The following SLC39A11 variants were observed in gnomAD, a reference collection of about 807,000 sequenced individuals.
SLC39A11 encodes the protein solute carrier family 39 member 11.
SLC39A11 carries 33 observed loss-of-function variants against 36.1 expected under a neutral mutation model. The observed-to-expected ratio is 0.91, with a 90% CI of 0.69 to 1.22. The LOEUF (loss-of-function observed/expected upper bound fraction) is 1.22. Among genes scored for constraint, SLC39A11 ranks in the 50% most tolerant of loss-of-function variants. The pLI is 0.00. For missense variants in SLC39A11, 432 were observed against 430.3 expected (o/e 1.00, Z -0.03); for synonymous variants, 166 against 170.3 (o/e 0.97, Z 0.20).
At chr17:73,012,748 T>G (rs1295639232) in intron 4 of SLC39A11, among the ~76,000 whole-genome samples, 1 of 152,064 alleles carries the variant, frequency 6.6e-6, no homozygotes, top group Non-Finnish European at 1.5e-5. Flanking sequence ...CTTATGACCA[T>G]GTGTACCCAA....
chr17:72,662,840 AAGAC>A (rs1377748484), intron 7 of SLC39A11, among the ~76,000 whole-genome samples: 2 of 152,184 alleles, frequency 1.3e-5, no homozygotes, highest in Admixed American at 6.5e-5. Flanking sequence ...GAGAGAAAGA[AAGAC>A]AGGCACACAC....
chr17:73,083,015 C>CAAAAAA (rs34607510), intron 3 of SLC39A11, among the ~76,000 whole-genome samples: 26 of 89,778 alleles, frequency 2.9e-4, no homozygotes, highest in African/African-American at 7.2e-4. Context: ...GACTCCATTT[C>CAAAAAA]AAAAAAAAAA....
At chr17:72,733,665 A>C (rs567807535) in intron 7 of SLC39A11, among the ~76,000 whole-genome samples, 2 of 152,254 alleles carry the variant, frequency 1.3e-5, no homozygotes, top group African/African-American at 4.8e-5. Flanking sequence ...GGCTCATCCA[A>C]CAGGGTTGCC....
At chr17:72,779,800 A>G (rs753853218) in intron 6 of SLC39A11, among the ~76,000 whole-genome samples, 4 of 152,234 alleles carry the variant, frequency 2.6e-5, no homozygotes, top group Non-Finnish European at 5.9e-5. Context: ...TGAATCCACA[A>G]CTGCCTTTAG....
At chr17:72,828,911 G>C (rs950936671) in intron 6 of SLC39A11, among the ~76,000 whole-genome samples, 1 of 152,198 alleles carries the variant, frequency 6.6e-6, no homozygotes, top group Non-Finnish European at 1.5e-5. Flanking sequence ...AGTGACTGGG[G>C]GTTGTGTGTG....
rs1019673340 is a variant in SLC39A11 at position 73,034,995 on chromosome 17, C to T, written c.148-3281G>A. ...CTTTCCAGTCAAATTTAGGATCCAG[C>T]TGGATTTCCTTCATTTCTTTTCCTT... On this transcript the variant is annotated intron_variant, in intron 3 of 9. Transcript: ENST00000255559. 7.0e-4 allele frequency among the ~76,000 whole-genome samples: 106 copies of T among 152,184 alleles called. 1 individual carries two copies. Among genetic ancestry groups the T allele is most frequent in the African/African-American group, 2.5e-3 (105 of 41,432 alleles).
At position 72,672,246 on chromosome 17, in the gene SLC39A11, C is replaced by G. The variant is rs57932611; in HGVS notation, c.672-22978G>C. The stretch of plus-strand genomic sequence containing the variant: ...GGTGGATCACTTCAGGCCAGGAGTT[C>G]GAGACCAACCTGGCCAACACAGTGA... On this transcript the variant is annotated intron_variant, in intron 7 of 9. Transcript: ENST00000255559. Among the ~76,000 whole-genome samples the G allele has an allele frequency of 8.2e-4, 125 of 152,178 alleles. 1 individual carries two copies. The highest frequency in any genetic ancestry group is 2.9e-3 in the African/African-American group (120 of 41,494).
At chr17:72,800,933 C>G (rs2077063767) in intron 6 of SLC39A11, among the ~76,000 whole-genome samples, 1 of 152,118 alleles carries the variant, frequency 6.6e-6, no homozygotes, top group Non-Finnish European at 1.5e-5. Context: ...TTCAAATATG[C>G]TTAAAACTAA....
chr17:72,880,153 C>T (rs529858892), intron 5 of SLC39A11, among the ~76,000 whole-genome samples: 8 of 152,332 alleles, frequency 5.3e-5, no homozygotes, highest in African/African-American at 1.9e-4. Flanking sequence ...GCTCCCTACT[C>T]CTCACACACT....
At chr17:72,800,834 T>C (rs1388958989) in intron 6 of SLC39A11, among the ~76,000 whole-genome samples, 1 of 152,152 alleles carries the variant, frequency 6.6e-6, no homozygotes, top group East Asian at 1.9e-4. Flanking sequence ...GTCAGTTCTA[T>C]TAATGAAATG....
intron 5 of SLC39A11, among the ~76,000 whole-genome samples, chr17:72,912,689 C>T (rs28753694): frequency 0.52 from 78,346 of 151,652 alleles, 20,281 homozygotes; most frequent in African/African-American, 0.55. Context: ...GAGGAAACAC[C>T]GGACCAGAAG....
intron 4 of SLC39A11, among the ~76,000 whole-genome samples, chr17:72,967,646 C>CA (rs1245802099): frequency 6.6e-6 from 1 of 152,040 alleles, no homozygotes; most frequent in African/African-American, 2.4e-5. Context: ...GAGTGCTTTG[C>CA]AAAAAACACA....
chr17:72,753,906 A>C (rs891083444), intron 6 of SLC39A11, among the ~76,000 whole-genome samples: 3 of 149,672 alleles, frequency 2.0e-5, no homozygotes, highest in African/African-American at 7.4e-5. Context: ...AAAAAAAAAA[A>C]AAAAAACCTG....
chr17:72,671,726 A>T (rs1403871165), intron 7 of SLC39A11, among the ~76,000 whole-genome samples: 2 of 152,064 alleles, frequency 1.3e-5, no homozygotes, highest in Non-Finnish European at 2.9e-5. Context: ...TCTAAAAAAA[A>T]AAATAGCTAT....
At chr17:72,669,255 G>A (rs1167727242) in intron 7 of SLC39A11, among the ~76,000 whole-genome samples, 3 of 152,152 alleles carry the variant, frequency 2.0e-5, no homozygotes, top group Non-Finnish European at 4.4e-5. Flanking sequence ...ACATTGGCAC[G>A]ACACTATGAA....
rs148350211 is a variant in SLC39A11 at position 72,841,709 on chromosome 17, G to A, written c.601+7925C>T. 3.3e-5 allele frequency among the ~76,000 whole-genome samples: 5 copies of A among 152,178 alleles called. No homozygotes were observed. In the East Asian group the frequency reaches 9.7e-4, roughly 29 times the overall value. ...TAACTACAAGTATAACTGGATTGTT[G>A]GTAACACAGAGGATAAATGCTTAAG... On this transcript the variant is annotated intron_variant, in intron 6 of 9. Transcript: ENST00000255559.
At chr17:72,789,860 C>T (rs987663496) in intron 6 of SLC39A11, among the ~76,000 whole-genome samples, 4 of 152,176 alleles carry the variant, frequency 2.6e-5, no homozygotes, top group Non-Finnish European at 5.9e-5. Flanking sequence ...ATGAATAATT[C>T]AGGAACATGG....
At chr17:73,038,583 T>C (rs1319695912) in intron 3 of SLC39A11, among the ~76,000 whole-genome samples, 1 of 150,450 alleles carries the variant, frequency 6.6e-6, no homozygotes, top group African/African-American at 2.4e-5. Context: ...GGTGGGTGCC[T>C]GTAATCCCAG....
chr17:72,863,849 A>C (rs2080168448), intron 5 of SLC39A11, among the ~76,000 whole-genome samples: 1 of 152,234 alleles, frequency 6.6e-6, no homozygotes, highest in Admixed American at 6.5e-5. Context: ...CAAGGAAGTT[A>C]ATGCTCAATT....
Sources: gnomAD v4.1 joint callset for allele counts (sites outside exome capture counted in the v4.1 genomes callset) on GRCh38, gnomAD v4.1.1 for gene constraint, MANE v1.5 for transcripts, NCBI Gene and HGNC (gene_info 2026-07-23, HGNC 2026-07-21) for gene names.